Variants in PLXNA4 observed in about 807,000 individuals in gnomAD.
PLXNA4 encodes the protein plexin A4, also known as plexin-A4.
In PLXNA4, 44 loss-of-function variants were observed where a neutral mutation model predicts 191.8. That is an observed-to-expected ratio of 0.23 (90% CI 0.18 to 0.29). PLXNA4 has a LOEUF of 0.29. Among genes scored for constraint, PLXNA4 ranks in the 10% least tolerant of loss-of-function variants. PLXNA4 has a pLI of 1.00. For missense variants in PLXNA4, 1,800 were observed against 2,488.8 expected, an observed-to-expected ratio of 0.72 and a Z score of 5.89; for synonymous variants, 1,082 against 1,009.5, an observed-to-expected ratio of 1.07 and a Z score of -1.36.
chr7:132,642,413 C>T (rs1008849666), intron 2 of PLXNA4, among the ~76,000 whole-genome samples: 2 of 151,902 alleles, frequency 1.3e-5, no homozygotes, highest in Non-Finnish European at 1.5e-5. Flanking sequence ...CTACAGAATG[C>T]TGGGATGAAC....
At chr7:132,227,690 T>A in intron 6 of PLXNA4, 86 bp from the exon 7 acceptor site, 1 of 1,537,562 alleles carries the variant, frequency 6.5e-7, no homozygotes, top group African/African-American at 1.4e-5. Flanking sequence ...AGTGGGAGAG[T>A]GAGAGAGATC....
intron 25 of PLXNA4, among the ~76,000 whole-genome samples, chr7:132,153,029 C>A (rs539391038): frequency 6.6e-6 from 1 of 152,348 alleles, no homozygotes; most frequent in African/African-American, 2.4e-5. Flanking sequence ...CGGGATAAAA[C>A]ATAAGCCCTT....
intron 3 of PLXNA4, among the ~76,000 whole-genome samples, chr7:132,350,787 A>G (rs902911895): frequency 6.6e-6 from 1 of 152,236 alleles, no homozygotes; most frequent in African/African-American, 2.4e-5. Flanking sequence ...ACTCCTTGAA[A>G]TATATGCAAG....
At chr7:132,222,828 T>C (rs1264448341) in intron 9 of PLXNA4, among the ~76,000 whole-genome samples, 1 of 152,162 alleles carries the variant, frequency 6.6e-6, no homozygotes, top group East Asian at 1.9e-4. Context: ...TCAGAGGGAA[T>C]AGAAAAGTCA....
At chr7:132,334,193 A>G (rs890548788) in intron 3 of PLXNA4, among the ~76,000 whole-genome samples, 7 of 151,276 alleles carry the variant, frequency 4.6e-5, no homozygotes, top group Non-Finnish European at 1.0e-4. Flanking sequence ...ATATTCAAAC[A>G]GAGGTGTCTC....
chr7:132,316,903 G>T (rs1051392882), intron 3 of PLXNA4, among the ~76,000 whole-genome samples: 1 of 152,208 alleles, frequency 6.6e-6, no homozygotes, highest in African/African-American at 2.4e-5. Context: ...CTTGAGCCTA[G>T]CTGTGTTGTG....
chr7:132,454,543 G>GC (rs552980008), intron 3 of PLXNA4, among the ~76,000 whole-genome samples: 27 of 151,834 alleles, frequency 1.8e-4, no homozygotes, highest in East Asian at 7.8e-4. Context: ...GCTGAAGTGC[G>GC]CCCCCCCAAC....
intron 3 of PLXNA4, among the ~76,000 whole-genome samples, chr7:132,358,554 G>C (rs901626047): frequency 6.6e-6 from 1 of 152,146 alleles, no homozygotes; most frequent in Admixed American, 6.5e-5. Context: ...GAATCTTTGG[G>C]TATGGCCGTT....
At chr7:132,600,290 T>C (rs1226690005) in intron 2 of PLXNA4, among the ~76,000 whole-genome samples, 3 of 152,188 alleles carry the variant, frequency 2.0e-5, no homozygotes, top group African/African-American at 7.2e-5. Context: ...GGCTTAGAGT[T>C]TGGGGAGATA....
intron 16 of PLXNA4, among the ~76,000 whole-genome samples, chr7:132,182,989 G>A (rs1243001934): frequency 6.6e-6 from 1 of 152,186 alleles, no homozygotes; most frequent in Non-Finnish European, 1.5e-5. Flanking sequence ...CTCCAGGGGG[G>A]CTACTCAAAG....
intron 2 of PLXNA4, among the ~76,000 whole-genome samples, chr7:132,632,417 A>G (rs916520151): frequency 6.6e-6 from 1 of 152,160 alleles, no homozygotes; most frequent in East Asian, 1.9e-4. Flanking sequence ...AGTAGCTACT[A>G]TATTATTCCC....
At chr7:132,255,013 C>A (rs919841664) in intron 4 of PLXNA4, among the ~76,000 whole-genome samples, 1 of 152,068 alleles carries the variant, frequency 6.6e-6, no homozygotes, top group Non-Finnish European at 1.5e-5. Flanking sequence ...TGGGGGAAGG[C>A]CGGGAGTCTC....
At chr7:132,484,867 T>C in intron 3 of PLXNA4, 1 of 1,614,148 alleles carries the variant, frequency 6.2e-7, no homozygotes, top group Non-Finnish European at 8.5e-7. Flanking sequence ...GAGGCTGGAC[T>C]CTCTGATCTG....
At chr7:132,338,317 CTT>C (rs1248657273) in intron 3 of PLXNA4, among the ~76,000 whole-genome samples, 1 of 152,204 alleles carries the variant, frequency 6.6e-6, no homozygotes, top group African/African-American at 2.4e-5. Context: ...GTAGATGAAA[CTT>C]TAGTGTGTCA....
intron 25 of PLXNA4, among the ~76,000 whole-genome samples, chr7:132,151,409 AAG>A (rs1562885121): frequency 0.026 from 77 of 3,016 alleles, 9 homozygotes; most frequent in African/African-American, 0.07. Flanking sequence ...GAGGAGGAGG[AAG>A]GAGGAGGAGG....
chr7:132,416,532 C>A (rs930851205), intron 3 of PLXNA4, among the ~76,000 whole-genome samples: 1 of 152,188 alleles, frequency 6.6e-6, no homozygotes, highest in African/African-American at 2.4e-5. Context: ...TCCTTGATCC[C>A]TTCTGAGATG....
chr7:132,492,494 C>T (rs994925875), intron 2 of PLXNA4, among the ~76,000 whole-genome samples: 2 of 152,176 alleles, frequency 1.3e-5, no homozygotes, highest in Non-Finnish European at 2.9e-5. Context: ...AGATTTCTCC[C>T]TAAGTTTCCC....
chr7:132,384,231 T>C, intron 3 of PLXNA4: 1 of 985,458 alleles, frequency 1.0e-6, no homozygotes, highest in Non-Finnish European at 1.2e-6. Context: ...AGTGTGGTGG[T>C]TCTTAGCAAC....
At chr7:132,522,176 G>A (rs1276419184) in intron 1 of PLXNA4, among the ~76,000 whole-genome samples, 1 of 152,108 alleles carries the variant, frequency 6.6e-6, no homozygotes, top group East Asian at 1.9e-4. Context: ...CATGCTCCAT[G>A]CAGAGGGGAC....
Sources: allele counts gnomAD v4.1 joint callset (sites outside exome capture counted in the v4.1 genomes callset), GRCh38; gene constraint gnomAD v4.1.1; transcripts MANE v1.5; gene names NCBI Gene and HGNC (gene_info 2026-07-23, HGNC 2026-07-21).